TTR: variants seen among roughly 807,000 people sequenced by gnomAD.
TTR encodes the protein transthyretin.
In TTR, 8 loss-of-function variants were observed where a neutral mutation model predicts 13.7. That is an observed-to-expected ratio of 0.58 (90% CI 0.34 to 1.05). The LOEUF is 1.05. Ranked by LOEUF, TTR falls within the 50% of genes least tolerant of loss-of-function variation. TTR has a pLI of 0.02. For synonymous variants in TTR, 75 were observed against 71.7 expected (o/e 1.05, Z -0.23); for missense variants, 135 against 185.5 (o/e 0.73, Z 1.58).
chr18:31,598,190 A>G, intron 3 of TTR: 1 of 350,282 alleles, frequency 2.9e-6, no homozygotes, highest in Non-Finnish European at 5.6e-6. Flanking sequence ...TGTGGTTGGC[A>G]GCCACTATTG....
chr18:31,596,571 A>G (rs2073517665), intron 3 of TTR, among the ~76,000 whole-genome samples: 1 of 152,172 alleles, frequency 6.6e-6, no homozygotes, highest in Non-Finnish European at 1.5e-5. Flanking sequence ...TGGGAACCAT[A>G]TAAAAAGGTT....
intron 3 of TTR, among the ~76,000 whole-genome samples, chr18:31,597,466 C>A (rs1225570163): frequency 6.6e-6 from 1 of 152,166 alleles, no homozygotes. Context: ...AGGGAATTGG[C>A]CTTAAGGGGA....
rs774253003 is a variant in TTR at position 31,598,468 on chromosome 18, T to C, written c.337-100T>C. ...GTTCCAAAATATAAAAGAATAAAAT[T>C]AATTAAGTTGGCACTGGACTTCCGG... On this transcript the variant is annotated intron_variant, in intron 3 of 3. Coordinates refer to ENST00000237014, the MANE Select transcript of TTR (RefSeq NM_000371.4). The C allele has an allele frequency of 4.5e-6, 5 of 1,117,580 alleles. No homozygotes were observed. In the African/African-American group the frequency reaches 7.8e-5, roughly 17 times the overall value. The allele number at this position is 1,117,580 out of a possible 1,614,324, so 69.2% of individuals were successfully genotyped here. A position where few individuals can be genotyped will look rare whatever the true frequency, so the allele number is the denominator to read the frequency against.
chr18:31,593,233 G>A (rs916691210), intron 2 of TTR: 120 of 580,560 alleles, frequency 2.1e-4, no homozygotes, highest in Middle Eastern at 5.1e-4. Context: ...TCATTTAGGG[G>A]CAGACAGTAG....
intron 2 of TTR, among the ~76,000 whole-genome samples, chr18:31,594,013 G>GA (rs1188479232): frequency 1.3e-5 from 2 of 152,052 alleles, no homozygotes; most frequent in Non-Finnish European, 2.9e-5. Flanking sequence ...TTTTATTTGG[G>GA]AATTCATTTA....
chr18:31,594,043 G>A (rs1049511612), intron 2 of TTR, among the ~76,000 whole-genome samples: 6 of 152,040 alleles, frequency 3.9e-5, no homozygotes, highest in Admixed American at 1.3e-4. Flanking sequence ...AAAATGCCAA[G>A]CATAACATGA....
At chr18:31,594,369 C>T (rs1175684700) in intron 2 of TTR, among the ~76,000 whole-genome samples, 2 of 152,168 alleles carry the variant, frequency 1.3e-5, no homozygotes, top group African/African-American at 2.4e-5. Context: ...GAGTCAGATA[C>T]AGGTTCTTCT....
At chr18:31,594,057 G>T (rs1043438555) in intron 2 of TTR, among the ~76,000 whole-genome samples, 1 of 152,062 alleles carries the variant, frequency 6.6e-6, no homozygotes, top group Non-Finnish European at 1.5e-5. Flanking sequence ...AACATGAAAA[G>T]TGGTTACAGG....
chr18:31,595,009 CATAACATGTTT>C (rs1466268871), intron 2 of TTR, 100 bp from the exon 3 acceptor site: 3 of 1,205,608 alleles, frequency 2.5e-6, no homozygotes, highest in South Asian at 2.6e-5. Flanking sequence ...GGGAAATGTT[CATAACATGTTT>C]ATAACATGTT....
At chr18:31,598,417 T>C (rs1598846567) in intron 3 of TTR, 151 bp from the exon 4 acceptor site, 2 of 792,618 alleles carry the variant, frequency 2.5e-6, no homozygotes, top group Middle Eastern at 4.4e-4. Flanking sequence ...GCCAGCATAT[T>C]TGAGCTTTTT....
At chr18:31,596,740 T>C (rs535807202) in intron 3 of TTR, among the ~76,000 whole-genome samples, 1 of 147,266 alleles carries the variant, frequency 6.8e-6, no homozygotes, top group East Asian at 2.0e-4. Flanking sequence ...GAAATGAAAA[T>C]ACATCCCGAC....
intron 3 of TTR, 76 bp from the exon 4 acceptor site, chr18:31,598,492 G>C (rs773031292): frequency 2.2e-6 from 3 of 1,383,706 alleles, no homozygotes; most frequent in East Asian, 4.6e-5. Flanking sequence ...CTGGACTTCC[G>C]GTGGTCAGTC....
In TTR at chr18:31,592,920, C is replaced by CTGA. The variant is rs768348156; in HGVS notation, c.97_99dup (p.Met33dup). The CTGA allele has an allele frequency of 1.2e-6, 2 of 1,614,098 alleles. No homozygotes were observed. The highest frequency in any genetic ancestry group is 4.5e-5 in the East Asian group (2 of 44,878). On this transcript the variant is annotated inframe_insertion, in exon 2 of 4. Coordinates refer to ENST00000237014, the MANE Select transcript of TTR (RefSeq NM_000371.4). Reference sequence around the variant, plus strand: ...GGGCACCGGTGAATCCAAGTGTCCTCTGATGGTCAAAGTTCTAGATGCTGT... The same window carrying CTGA: ...GGGCACCGGTGAATCCAAGTGTCCTCTGATGATGGTCAAAGTTCTAGATGCTGT...
rs1464033799 is a variant in TTR at position 31,595,147 on chromosome 18, T to C, written c.228T>C (p.His76=). The C allele has an allele frequency of 6.2e-7, 1 of 1,614,172 alleles. No homozygotes were observed. Among genetic ancestry groups the C allele is most frequent in the African/African-American group, 1.3e-5 (1 of 75,038 alleles). The change falls in exon 3 of 4, where the codon CAT becomes CAC. Residue 76 remains histidine, a synonymous_variant. Transcript: ENST00000237014. ...SGKTSESGEL[H]GLTTEEEFVE... ...AAACCAGTGAGTCTGGAGAGCTGCA[T>C]GGGCTCACAACTGAGGAGGAATTTG...
Position 31,598,774 on chromosome 18 carries a change from T to C in TTR, c.*99T>C. 8.1e-7 allele frequency: 1 copy of C among 1,229,098 alleles called. No homozygotes were observed. Among genetic ancestry groups the C allele is most frequent in the South Asian group, 1.3e-5 (1 of 79,560 alleles). 76.1% of individuals were successfully genotyped at this position (1,229,098 alleles called of 1,614,324 possible). ...AAAGCAGTGTTTTCACCTCATATGC[T>C]ATGTTAGAAGTCCAGGCAGAGACAA... On this transcript the variant is annotated 3_prime_UTR_variant, in exon 4 of 4. Transcript: ENST00000237014.
chr18:31,597,073 T>A (rs1025653571), intron 3 of TTR: 5 of 152,056 alleles, frequency 3.3e-5, no homozygotes, highest in Admixed American at 3.3e-4. Context: ...GAGATGGAGT[T>A]TTGCCCTGTC....
rs758315427 is a variant in TTR at position 31,591,977 on chromosome 18, T to C, written c.69+6T>C. 18 of 1,614,008 alleles carry C rather than the reference T, an allele frequency of 1.1e-5. No homozygotes were observed. In the South Asian group the frequency reaches 2.0e-4, roughly 18 times the overall value. ...TGTCTGAGGCTGGCCCTACGGTGAG[T>C]GTTTCTGTGACATCCCATTCCTACA... is the stretch of plus-strand genomic sequence containing the variant. On this transcript the variant is annotated splice_donor_region_variant and intron_variant, in intron 1 of 3. Coordinates refer to ENST00000237014, the MANE Select transcript of TTR (RefSeq NM_000371.4).
chr18:31,592,631 G>T (rs1434806559), intron 1 of TTR, among the ~76,000 whole-genome samples: 1 of 152,106 alleles, frequency 6.6e-6, no homozygotes, highest in Non-Finnish European at 1.5e-5. Context: ...CTGTTCTCAG[G>T]GGACCTATTT....
Position 31,591,891 on chromosome 18 carries a change from A to G in TTR, c.-12A>G, listed in dbSNP as rs770523146. On this transcript the variant is annotated 5_prime_UTR_variant, in exon 1 of 4. Transcript: ENST00000237014. ...GAGCAGCCATCACAGAAGTCCACTC[A>G]TTCTTGGCAGGATGGCTTCTCATCG... 6.2e-7 allele frequency: 1 copy of G among 1,614,010 alleles called. No homozygotes were observed. Among genetic ancestry groups the G allele is most frequent in the Non-Finnish European group, 8.5e-7 (1 of 1,179,996 alleles).
Sources: allele counts gnomAD v4.1 joint callset (sites outside exome capture counted in the v4.1 genomes callset), GRCh38; gene constraint gnomAD v4.1.1; transcripts MANE v1.5; gene names NCBI Gene and HGNC (gene_info 2026-07-23, HGNC 2026-07-21).